NEBL: variants seen among roughly 807,000 people sequenced by gnomAD.
NEBL encodes LIM and SH3 protein 2.
Under a neutral mutation model 140.2 loss-of-function variants are expected in NEBL, and 122 were observed. The observed-to-expected ratio is 0.87, with a 90% CI of 0.75 to 1.01. The LOEUF (loss-of-function observed/expected upper bound fraction) is 1.01. Ranked by LOEUF, NEBL falls within the 50% of genes least tolerant of loss-of-function variation. The pLI is 0.00. For missense variants in NEBL, 1,365 were observed against 1,231.3 expected (o/e 1.11, Z -1.62); for synonymous variants, 436 against 398.9 (o/e 1.09, Z -1.11).
chr10:21,108,507 T>C (rs1257935650), intron 2 of NEBL, among the ~76,000 whole-genome samples: 1 of 152,224 alleles, frequency 6.6e-6, no homozygotes, highest in African/African-American at 2.4e-5. Context: ...TCCAATTTGA[T>C]TGCACTGTGG....
intron 2 of NEBL, among the ~76,000 whole-genome samples, chr10:21,142,999 G>T (rs61851501): frequency 6.6e-6 from 1 of 151,434 alleles, no homozygotes; most frequent in African/African-American, 2.4e-5. Context: ...TGTGTGTGGG[G>T]TGTGTGTGTG....
chr10:20,810,125 G>T (rs1455242256), intron 24 of NEBL, among the ~76,000 whole-genome samples: 1 of 152,098 alleles, frequency 6.6e-6, no homozygotes, highest in Non-Finnish European at 1.5e-5. Flanking sequence ...TCAGATTGAA[G>T]TTGCCTGCTC....
At chr10:21,104,493 T>C (rs1837620798) in intron 2 of NEBL, among the ~76,000 whole-genome samples, 1 of 152,242 alleles carries the variant, frequency 6.6e-6, no homozygotes, top group African/African-American at 2.4e-5. Flanking sequence ...TTTGATGCTA[T>C]CATAAATTGT....
At chr10:21,108,716 T>C (rs1044528516) in intron 2 of NEBL, among the ~76,000 whole-genome samples, 1 of 152,192 alleles carries the variant, frequency 6.6e-6, no homozygotes, top group Admixed American at 6.5e-5. Context: ...CTGGATATCC[T>C]TGTTAACCTT....
At chr10:21,102,026 T>C (rs762840464) in intron 2 of NEBL, among the ~76,000 whole-genome samples, 1 of 152,220 alleles carries the variant, frequency 6.6e-6, no homozygotes, top group Non-Finnish European at 1.5e-5. Flanking sequence ...TCACAAAATG[T>C]AGCATTCCGT....
intron 4 of NEBL, among the ~76,000 whole-genome samples, chr10:20,924,519 T>G (rs1263423447): frequency 9.5e-6 from 1 of 105,376 alleles, no homozygotes; most frequent in African/African-American, 4.3e-5. Flanking sequence ...GAGAGTATCT[T>G]GTATAAAAAA....
intron 2 of NEBL, among the ~76,000 whole-genome samples, chr10:21,132,294 A>G (rs1839149287): frequency 6.6e-6 from 1 of 152,196 alleles, no homozygotes; most frequent in Admixed American, 6.5e-5. Context: ...TCATCATGTT[A>G]TATTAACAGC....
intron 2 of NEBL, among the ~76,000 whole-genome samples, chr10:21,077,232 A>T (rs11498224): frequency 1.6e-4 from 24 of 151,972 alleles, no homozygotes; most frequent in South Asian, 4.2e-4. Flanking sequence ...CAAAAAAAAT[A>T]AAAAATCAAA....
chr10:21,169,854 G>C (rs897809250), intron 2 of NEBL, among the ~76,000 whole-genome samples: 3 of 152,096 alleles, frequency 2.0e-5, no homozygotes, highest in Non-Finnish European at 4.4e-5. Context: ...ATTTTAGAGA[G>C]AAAAATCTAT....
Position 20,941,789 on chromosome 10 carries a change from C to A in NEBL, c.357+19883G>T, listed in dbSNP as rs538541447. On this transcript the variant is annotated intron_variant, in intron 4 of 6. Coordinates refer to the NEBL transcript ENST00000417816. ...AAAAATCACAAGCATTCTTATACAC[C>A]AATAACAGACAAACAGAGAGCCAAA... 1.6e-3 allele frequency among the ~76,000 whole-genome samples: 236 copies of A among 152,084 alleles called. 2 individuals are homozygous for A. The highest frequency in any genetic ancestry group is 5.4e-3 in the African/African-American group (225 of 41,450).
intron 2 of NEBL, among the ~76,000 whole-genome samples, chr10:21,093,501 T>A (rs1189502979): frequency 2.0e-5 from 3 of 152,184 alleles, no homozygotes; most frequent in African/African-American, 7.2e-5. Flanking sequence ...CCATCAGTGT[T>A]CATAAGCTGC....
chr10:21,152,009 G>T (rs1031648030), intron 2 of NEBL, among the ~76,000 whole-genome samples: 8 of 152,130 alleles, frequency 5.3e-5, no homozygotes, highest in African/African-American at 1.9e-4. Context: ...TTAGAACAGC[G>T]CCTGGTTCAT....
intron 1 of NEBL, among the ~76,000 whole-genome samples, chr10:21,265,918 T>TTATTGGTGGG (rs1008035191): frequency 1.3e-5 from 2 of 152,198 alleles, no homozygotes; most frequent in African/African-American, 4.8e-5. Flanking sequence ...AGCCCTTGTG[T>TTATTGGTGGG]AGAACACACC....
intron 4 of NEBL, among the ~76,000 whole-genome samples, chr10:20,882,853 C>T (rs1846145546): frequency 6.6e-6 from 1 of 152,130 alleles, no homozygotes; most frequent in Non-Finnish European, 1.5e-5. Flanking sequence ...GCCACCACAG[C>T]CTCTAAATTT....
chr10:20,842,852 C>T (rs898576648), intron 12 of NEBL, among the ~76,000 whole-genome samples: 1 of 152,054 alleles, frequency 6.6e-6, no homozygotes, highest in South Asian at 2.1e-4. Flanking sequence ...AACTCTTTGA[C>T]TATCACCTTG....
chr10:21,029,891 G>A (rs1187772112), intron 2 of NEBL: 14 of 641,704 alleles, frequency 2.2e-5, no homozygotes, highest in South Asian at 8.5e-5. Context: ...GGCAGGGACC[G>A]CTATGAAGAC....
chr10:21,070,156 C>G (rs1254448776), intron 2 of NEBL: 1 of 363,274 alleles, frequency 2.8e-6, no homozygotes, highest in African/African-American at 2.1e-5. Context: ...GGAATTTGGC[C>G]AGGACACTGG....
chr10:21,079,191 A>T (rs1361535716), intron 2 of NEBL, among the ~76,000 whole-genome samples: 2 of 152,210 alleles, frequency 1.3e-5, no homozygotes, highest in African/African-American at 4.8e-5. Flanking sequence ...GGGACATGGC[A>T]AATCTGGGAA....
At chr10:21,158,430 C>G (rs1840419903) in intron 2 of NEBL, among the ~76,000 whole-genome samples, 1 of 152,150 alleles carries the variant, frequency 6.6e-6, no homozygotes, top group South Asian at 2.1e-4. Context: ...GTAGCAAATA[C>G]TATTATTATC....
Sources: gnomAD v4.1 joint callset for allele counts (sites outside exome capture counted in the v4.1 genomes callset) on GRCh38, gnomAD v4.1.1 for gene constraint, MANE v1.5 for transcripts, NCBI Gene and HGNC (gene_info 2026-07-23, HGNC 2026-07-21) for gene names.